DCC: variants seen among roughly 807,000 people sequenced by gnomAD.
DCC encodes DCC netrin 1 receptor.
A neutral mutation model predicts 172.5 loss-of-function variants in DCC; 58 were observed. That is an observed-to-expected ratio of 0.34 (90% confidence interval 0.27 to 0.42). The LOEUF (loss-of-function observed/expected upper bound fraction) is 0.42. DCC is among the 10% of genes least tolerant of loss of function. DCC has a pLI of 1.00. For synonymous variants in DCC, 709 were observed against 644.5 expected (o/e 1.10, Z -1.52); for missense variants, 1,740 against 1,791.0 (o/e 0.97, Z 0.51).
rs1778527095 is a variant in DCC at position 52,867,613 on chromosome 18, G to A, written c.413-38431G>A. ...ACTTTTTCCTGGTTTAGTCTTGGGA[G>A]GGCGTATATGTCCAGGAATTTATCC... On this transcript the variant is annotated intron_variant, in intron 2 of 28. Transcript: ENST00000442544. Among the ~76,000 whole-genome samples the A allele has an allele frequency of 2.0e-5, 3 of 151,974 alleles. No homozygotes were observed. The South Asian group carries it at 6.2e-4, about 32-fold the overall frequency.
chr18:53,306,199 A>G (rs1432777228), intron 13 of DCC, among the ~76,000 whole-genome samples: 1 of 152,216 alleles, frequency 6.6e-6, no homozygotes, highest in African/African-American at 2.4e-5. Context: ...TTATGCAGCA[A>G]TATTGATAGA....
chr18:52,364,821 G>T (rs1233065761), intron 1 of DCC, among the ~76,000 whole-genome samples: 8 of 152,198 alleles, frequency 5.3e-5, no homozygotes. Context: ...GAAGTCAGTG[G>T]CCATTGTCTT....
chr18:53,218,384 G>A lies in DCC; in HGVS notation c.1911+2787G>A, dbSNP rs546346861. 4.6e-5 allele frequency among the ~76,000 whole-genome samples: 7 copies of A among 152,178 alleles called. No individual in the cohort carries two copies. In the South Asian group the frequency reaches 1.0e-3, roughly 23 times the overall value. ...GATCACAATCTAGGTACTCGTTAAG[G>A]TTTTGGTCACCCGTAAGCCAGTTGG... On this transcript the variant is annotated intron_variant, in intron 12 of 28. Coordinates refer to ENST00000442544, the MANE Select transcript of DCC (RefSeq NM_005215.4).
At chr18:52,759,553 G>T (rs192218596) in intron 2 of DCC, among the ~76,000 whole-genome samples, 2 of 152,034 alleles carry the variant, frequency 1.3e-5, no homozygotes, top group South Asian at 4.1e-4. Flanking sequence ...TCTACAGTTC[G>T]ATTTTGCTGG....
intron 1 of DCC, among the ~76,000 whole-genome samples, chr18:52,562,587 C>A (rs1227933791): frequency 2.0e-5 from 3 of 152,096 alleles, no homozygotes; most frequent in Non-Finnish European, 2.9e-5. Flanking sequence ...TTCCTTTTCA[C>A]CTTTTTGTGA....
chr18:52,498,681 G>T (rs1393710732), intron 1 of DCC, among the ~76,000 whole-genome samples: 1 of 151,884 alleles, frequency 6.6e-6, no homozygotes, highest in Non-Finnish European at 1.5e-5. Flanking sequence ...TTTTTTCTCA[G>T]AGTTTTAGAG....
chr18:53,047,760 C>G (rs2042276122), intron 5 of DCC, among the ~76,000 whole-genome samples: 1 of 151,422 alleles, frequency 6.6e-6, no homozygotes, highest in African/African-American at 2.4e-5. Context: ...GTCTGCTTAC[C>G]ACTAAAGACT....
intron 2 of DCC, among the ~76,000 whole-genome samples, chr18:52,773,083 C>T (rs952559763): frequency 1.3e-5 from 2 of 152,166 alleles, no homozygotes; most frequent in East Asian, 1.9e-4. Context: ...ACCACATCCT[C>T]CAGAGGCTGC....
intron 20 of DCC, among the ~76,000 whole-genome samples, chr18:53,414,249 A>G (rs1245526019): frequency 2.6e-5 from 4 of 152,200 alleles, no homozygotes; most frequent in Non-Finnish European, 5.9e-5. Flanking sequence ...CAAGATAAAT[A>G]AATTCTGCAG....
chr18:53,297,624 C>A (rs1568038150), intron 12 of DCC, among the ~76,000 whole-genome samples: 1 of 152,122 alleles, frequency 6.6e-6, no homozygotes, highest in Non-Finnish European at 1.5e-5. Flanking sequence ...CAAAAATGTT[C>A]CCGTAACAGC....
chr18:52,738,761 A>T (rs2036768137), intron 1 of DCC, among the ~76,000 whole-genome samples: 1 of 144,490 alleles, frequency 6.9e-6, no homozygotes. Flanking sequence ...TTTTTTTGAG[A>T]CTAAGTCTCA....
At chr18:53,327,259 C>A (rs1010650478) in intron 14 of DCC, among the ~76,000 whole-genome samples, 15 of 152,080 alleles carry the variant, frequency 9.9e-5, no homozygotes, top group African/African-American at 3.4e-4. Context: ...CTATTACTGA[C>A]AGCTGGGAAG....
intron 27 of DCC, among the ~76,000 whole-genome samples, chr18:53,518,039 T>A (rs2144579707): frequency 6.6e-6 from 1 of 152,258 alleles, no homozygotes; most frequent in South Asian, 2.1e-4. Context: ...ATCAGAAGTG[T>A]AAATGATTAT....
intron 2 of DCC, among the ~76,000 whole-genome samples, chr18:52,888,535 C>G (rs908558335): frequency 6.6e-6 from 1 of 151,942 alleles, no homozygotes; most frequent in Non-Finnish European, 1.5e-5. Flanking sequence ...CAGCTTATTT[C>G]TAGATCTATG....
chr18:53,320,163 C>T (rs2057392873), intron 13 of DCC, among the ~76,000 whole-genome samples: 1 of 149,794 alleles, frequency 6.7e-6, no homozygotes, highest in African/African-American at 2.5e-5. Context: ...AGCTCTGCCT[C>T]CCGGGTCCAT....
At chr18:52,833,789 T>C (rs1315750943) in intron 2 of DCC, among the ~76,000 whole-genome samples, 1 of 152,150 alleles carries the variant, frequency 6.6e-6, no homozygotes, top group African/African-American at 2.4e-5. Flanking sequence ...GCCTCCCAAG[T>C]AACTGGGACT....
chr18:53,094,736 G>A (rs1360232979), intron 7 of DCC, among the ~76,000 whole-genome samples: 1 of 152,136 alleles, frequency 6.6e-6, no homozygotes, highest in Non-Finnish European at 1.5e-5. Context: ...TGTCTCCAGT[G>A]ATTGCATCAT....
intron 5 of DCC, among the ~76,000 whole-genome samples, chr18:52,981,131 G>A (rs950354113): frequency 1.3e-4 from 20 of 152,066 alleles, no homozygotes; most frequent in Admixed American, 1.2e-3. Context: ...ATATCTTTTA[G>A]CTTCAGATAA....
At chr18:53,490,979 C>T (rs762035858) in intron 26 of DCC, among the ~76,000 whole-genome samples, 2 of 152,144 alleles carry the variant, frequency 1.3e-5, no homozygotes, top group Admixed American at 6.6e-5. Flanking sequence ...AGGAAGGGCC[C>T]TCTCACTCCT....
Sources: allele counts gnomAD v4.1 joint callset (sites outside exome capture counted in the v4.1 genomes callset), GRCh38; gene constraint gnomAD v4.1.1; transcripts MANE v1.5; gene names NCBI Gene and HGNC (gene_info 2026-07-23, HGNC 2026-07-21).